ARPP21: variants seen among roughly 807,000 people sequenced by gnomAD.
ARPP21 encodes the protein cAMP-regulated phosphoprotein 21.
In ARPP21, 69 loss-of-function variants were observed where a neutral mutation model predicts 113.2. That is an observed-to-expected ratio of 0.61 (90% CI 0.50 to 0.74). ARPP21 has a LOEUF of 0.74. ARPP21 is among the 30% of genes least tolerant of loss of function. The probability of loss-of-function intolerance (pLI) is 0.00; values close to 1 mark genes in which losing one functional copy is unlikely to be tolerated. For synonymous variants in ARPP21, 368 were observed against 375.5 expected, an observed-to-expected ratio of 0.98 and a Z score of 0.23; for missense variants, 1,070 against 1,037.4, an observed-to-expected ratio of 1.03 and a Z score of -0.43.
intron 4 of ARPP21, 94 bp downstream of exon 4, chr3:35,682,983 A>C: frequency 8.1e-7 from 1 of 1,241,758 alleles, no homozygotes; most frequent in Non-Finnish European, 1.1e-6. Context: ...ATTTCAGATG[A>C]TTGTGTCCAG....
chr3:35,663,604 T>C (rs982946500), intron 1 of ARPP21, among the ~76,000 whole-genome samples: 5 of 152,108 alleles, frequency 3.3e-5, no homozygotes, highest in African/African-American at 1.2e-4. Context: ...GAGACAGATC[T>C]GGAGGGATGT....
intron 9 of ARPP21, among the ~76,000 whole-genome samples, chr3:35,695,102 G>C (rs956382244): frequency 6.6e-6 from 1 of 151,072 alleles, no homozygotes; most frequent in African/African-American, 2.4e-5. Flanking sequence ...TCTTCATTTT[G>C]TTATTACAAA....
intron 19 of ARPP21, among the ~76,000 whole-genome samples, chr3:35,772,812 C>T (rs1209207748): frequency 7.2e-5 from 11 of 152,168 alleles, no homozygotes; most frequent in Non-Finnish European, 1.3e-4. Flanking sequence ...GCTGCACAGG[C>T]TTGCCTGGGT....
At chr3:35,667,962 AGAAGAAGAAGAAG>A (rs2075098027) in intron 1 of ARPP21, among the ~76,000 whole-genome samples, 1 of 84,162 alleles carries the variant, frequency 1.2e-5, no homozygotes, top group Non-Finnish European at 2.5e-5. Context: ...AAGAAGAAGA[AGAAGAAGAAGAAG>A]AAGAAGAAGA....
intron 20 of ARPP21, 131 bp downstream of exon 20, chr3:35,792,661 C>CT: frequency 1.3e-6 from 1 of 748,126 alleles, no homozygotes; most frequent in South Asian, 1.8e-5. Flanking sequence ...TGATAATTTA[C>CT]TTTGAATCAA....
intron 1 of ARPP21, among the ~76,000 whole-genome samples, chr3:35,644,504 G>A (rs1699400086): frequency 6.6e-6 from 1 of 151,884 alleles, no homozygotes; most frequent in Non-Finnish European, 1.5e-5. Flanking sequence ...TTATCTTATA[G>A]TCTCAAAATC....
At chr3:35,789,306 T>C (rs1423444436) in intron 19 of ARPP21, among the ~76,000 whole-genome samples, 1 of 152,186 alleles carries the variant, frequency 6.6e-6, no homozygotes, top group African/African-American at 2.4e-5. Context: ...TTATTTCTGT[T>C]TGTCTATTTC....
chr3:35,654,111 C>T (rs866815882), intron 1 of ARPP21, among the ~76,000 whole-genome samples: 1 of 151,934 alleles, frequency 6.6e-6, no homozygotes, highest in Non-Finnish European at 1.5e-5. Context: ...TAAGAACAAA[C>T]AGATGCCTAG....
At chr3:35,727,219 A>G (rs1345713952) in intron 14 of ARPP21, among the ~76,000 whole-genome samples, 1 of 152,208 alleles carries the variant, frequency 6.6e-6, no homozygotes, top group Non-Finnish European at 1.5e-5. Flanking sequence ...GTGACAGGCC[A>G]TGGTATATGC....
chr3:35,763,086 G>A (rs887651311), intron 19 of ARPP21, among the ~76,000 whole-genome samples: 1 of 152,040 alleles, frequency 6.6e-6, no homozygotes, highest in African/African-American at 2.4e-5. Context: ...TTAAACATGG[G>A]GAACCACTAG....
intron 19 of ARPP21, among the ~76,000 whole-genome samples, chr3:35,763,529 C>A (rs990393425): frequency 6.6e-6 from 1 of 152,082 alleles, no homozygotes; most frequent in Non-Finnish European, 1.5e-5. Context: ...CATGCAGTTA[C>A]AATATTATGG....
intron 5 of ARPP21, chr3:35,684,538 T>TA (rs1227774791): frequency 6.1e-6 from 6 of 985,484 alleles, no homozygotes; most frequent in African/African-American, 3.5e-5. Context: ...TTAGCTTTTA[T>TA]AAAAAATGGT....
chr3:35,675,827 A>AT (rs1471759322), intron 1 of ARPP21, among the ~76,000 whole-genome samples: 1 of 151,660 alleles, frequency 6.6e-6, no homozygotes, highest in Non-Finnish European at 1.5e-5. Context: ...GATGATGATG[A>AT]TGATGATGAT....
chr3:35,649,483 A>G (rs964602316), intron 1 of ARPP21, among the ~76,000 whole-genome samples: 1 of 152,302 alleles, frequency 6.6e-6, no homozygotes, highest in Middle Eastern at 3.4e-3. Context: ...AGAAAGAATG[A>G]GGCAAAAGCA....
At chr3:35,709,811 TC>T (rs1180832685) in intron 11 of ARPP21, among the ~76,000 whole-genome samples, 2 of 152,214 alleles carry the variant, frequency 1.3e-5, no homozygotes, top group African/African-American at 2.4e-5. Flanking sequence ...TGATGTGGGT[TC>T]TTCCCCCTGC....
In ARPP21 at chr3:35,721,853, G is replaced by A; in HGVS notation, c.1225+19G>A. On this transcript the variant is annotated intron_variant, in intron 14 of 20. Coordinates refer to ENST00000684406, the MANE Select transcript of ARPP21 (RefSeq NM_001385562.1). Reference sequence around the variant, plus strand: ...AAAGCAGGTAGTTAGTACTGAATGTGTTTATGTCCTGTGGTATTTTTTGGA... The same window carrying A: ...AAAGCAGGTAGTTAGTACTGAATGTATTTATGTCCTGTGGTATTTTTTGGA... 1 of 1,502,234 alleles carries A rather than the reference G, an allele frequency of 6.7e-7. No individual in the cohort carries two copies. Among genetic ancestry groups the A allele is most frequent in the Non-Finnish European group, 9.0e-7 (1 of 1,105,316 alleles). 93.1% of individuals were successfully genotyped at this position (1,502,234 alleles called of 1,614,324 possible). A position where few individuals can be genotyped will look rare whatever the true frequency, so the allele number is the denominator to read the frequency against.
At chr3:35,683,597 T>C in intron 4 of ARPP21, 129 bp from the exon 5 acceptor site, 1 of 655,400 alleles carries the variant, frequency 1.5e-6, no homozygotes, top group South Asian at 1.8e-5. Flanking sequence ...ATTGGCAGAC[T>C]TGAAGTTTGG....
chr3:35,739,543 C>G lies in ARPP21; in HGVS notation c.1976C>G (p.Pro659Arg), dbSNP rs752042230. Reference protein sequence around the residue: ...SQQVLQPPPSPQGFVQQPPPA... With the variant: ...SQQVLQPPPSRQGFVQQPPPA... ...CAGGTCCTCCAGCCCCCTCCCTCAC[C>G]ACAGGGATTTGTGCAACAGCCTCCG... The change falls in exon 18 of 21, where the codon CCA (proline) becomes CGA (arginine). Residue 659 changes from proline to arginine, a missense_variant. Physicochemically the swap from Pro to Arg is moderately radical, Grantham distance 103 (BLOSUM62 -2). Transcript: ENST00000684406. 2 of 1,613,794 alleles carry G rather than the reference C, an allele frequency of 1.2e-6. No individual in the cohort carries two copies. Among genetic ancestry groups the G allele is most frequent in the Non-Finnish European group, 1.7e-6 (2 of 1,179,806 alleles).
intron 19 of ARPP21, among the ~76,000 whole-genome samples, chr3:35,751,940 C>T (rs548903758): frequency 6.6e-6 from 1 of 152,126 alleles, no homozygotes; most frequent in African/African-American, 2.4e-5. Context: ...AACAGTATCT[C>T]AATAATTTGG....
Sources: gnomAD v4.1 joint callset for allele counts (sites outside exome capture counted in the v4.1 genomes callset) on GRCh38, gnomAD v4.1.1 for gene constraint, MANE v1.5 for transcripts, NCBI Gene and HGNC (gene_info 2026-07-23, HGNC 2026-07-21) for gene names.